The following ATF7IP variants were observed in gnomAD, a reference collection of about 807,000 sequenced individuals.
The protein encoded by ATF7IP is activating transcription factor 7 interacting protein.
In ATF7IP, 23 loss-of-function variants were observed where a neutral mutation model predicts 106.4. The ratio of observed to expected loss-of-function variants is 0.22; its 90% CI spans 0.16 to 0.31. ATF7IP has a LOEUF of 0.31. Among genes scored for constraint, ATF7IP ranks in the 10% least tolerant of loss-of-function variants. ATF7IP has a pLI of 1.00. For missense variants in ATF7IP, 1,334 were observed against 1,524.3 expected, an observed-to-expected ratio of 0.88 and a Z score of 2.08; for synonymous variants, 542 against 539.0, an observed-to-expected ratio of 1.01 and a Z score of -0.08.
chr12:14,469,362 CAAAA>C (rs35509274), intron 10 of ATF7IP, among the ~76,000 whole-genome samples: 5 of 88,412 alleles, frequency 5.7e-5, no homozygotes, highest in Admixed American at 1.3e-4. Flanking sequence ...GAGACTGTCT[CAAAA>C]AAAAAAAAAA....
At chr12:14,472,627 CT>C (rs1295293580) in intron 10 of ATF7IP, among the ~76,000 whole-genome samples, 1 of 152,156 alleles carries the variant, frequency 6.6e-6, no homozygotes, top group Non-Finnish European at 1.5e-5. Flanking sequence ...AGTCTCCTTC[CT>C]TTTTGAAACA....
At chr12:14,433,787 G>A (rs1942263505) in intron 2 of ATF7IP, among the ~76,000 whole-genome samples, 1 of 152,102 alleles carries the variant, frequency 6.6e-6, no homozygotes, top group Non-Finnish European at 1.5e-5. Flanking sequence ...ACTATATTAA[G>A]CACCTAGCTC....
intron 2 of ATF7IP, among the ~76,000 whole-genome samples, chr12:14,430,802 A>G (rs1437455297): frequency 1.3e-5 from 2 of 152,182 alleles, no homozygotes; most frequent in Non-Finnish European, 1.5e-5. Context: ...AAACATAGCT[A>G]TGGTAATTTG....
intron 1 of ATF7IP, among the ~76,000 whole-genome samples, chr12:14,417,676 A>G (rs2136523366): frequency 6.6e-6 from 1 of 152,306 alleles, no homozygotes; most frequent in East Asian, 1.9e-4. Flanking sequence ...GATATTTATT[A>G]AAGCAAATAG....
intron 6 of ATF7IP, 54 bp from the exon 7 acceptor site, chr12:14,456,507 A>G: frequency 7.7e-7 from 1 of 1,302,968 alleles, no homozygotes; most frequent in Non-Finnish European, 1.1e-6. Context: ...TTTTTTTTAA[A>G]GATTCCCTGT....
chr12:14,381,195 G>A (rs1189660734), intron 1 of ATF7IP, among the ~76,000 whole-genome samples: 2 of 152,118 alleles, frequency 1.3e-5, no homozygotes, highest in Admixed American at 6.5e-5. Flanking sequence ...TTGGAATATT[G>A]TATGTTAGGG....
intron 6 of ATF7IP, among the ~76,000 whole-genome samples, chr12:14,454,597 TC>T (rs1473066557): frequency 1.3e-5 from 2 of 152,192 alleles, no homozygotes; most frequent in East Asian, 3.8e-4. Context: ...TCCTAACTGT[TC>T]CAGTGTGCCT....
intron 5 of ATF7IP, among the ~76,000 whole-genome samples, chr12:14,439,093 C>T (rs1220408270): frequency 6.6e-6 from 1 of 152,030 alleles, no homozygotes; most frequent in African/African-American, 2.4e-5. Flanking sequence ...ACATACAATA[C>T]CAGAGCTTCT....
chr12:14,431,395 ATTCT>A (rs1942121832), intron 2 of ATF7IP, among the ~76,000 whole-genome samples: 1 of 148,020 alleles, frequency 6.8e-6, no homozygotes, highest in Non-Finnish European at 1.5e-5. Flanking sequence ...TAAAAAAAAC[ATTCT>A]TTTTTTTTTT....
At chr12:14,444,845 G>A (rs1265953600) in intron 5 of ATF7IP, among the ~76,000 whole-genome samples, 2 of 151,982 alleles carry the variant, frequency 1.3e-5, no homozygotes, top group Non-Finnish European at 2.9e-5. Context: ...GCCAATCATA[G>A]CTTCCAGCGG....
chr12:14,429,826 A>G (rs1942034252), intron 2 of ATF7IP, among the ~76,000 whole-genome samples: 1 of 152,178 alleles, frequency 6.6e-6, no homozygotes, highest in African/African-American at 2.4e-5. Context: ...CTAGTGTGCA[A>G]GTTGCAGATT....
intron 13 of ATF7IP, among the ~76,000 whole-genome samples, chr12:14,492,003 T>A (rs1401679439): frequency 7.9e-5 from 12 of 152,218 alleles, no homozygotes; most frequent in Admixed American, 7.9e-4. Context: ...AGTTTTTGAT[T>A]TACTACTTTT....
At chr12:14,394,774 CTTTTAAGCT>C (rs1309072321) in intron 1 of ATF7IP, 1 of 152,098 alleles carries the variant, frequency 6.6e-6, no homozygotes, top group Non-Finnish European at 1.5e-5. Context: ...AGCTATAAGC[CTTTTAAGCT>C]TTTAGTTCTT....
intron 2 of ATF7IP, among the ~76,000 whole-genome samples, chr12:14,425,815 G>A (rs757459933): frequency 1.3e-5 from 2 of 152,136 alleles, no homozygotes; most frequent in Non-Finnish European, 2.9e-5. Context: ...ATCACTTAGC[G>A]AACAAATAAC....
chr12:14,416,800 T>G, intron 1 of ATF7IP: 2 of 485,634 alleles, frequency 4.1e-6, no homozygotes, highest in Non-Finnish European at 2.7e-6. Context: ...TGATGTCTGA[T>G]TGGTTTTAGA....
chr12:14,445,656 A>G (rs1942925227), intron 5 of ATF7IP, among the ~76,000 whole-genome samples: 1 of 152,190 alleles, frequency 6.6e-6, no homozygotes, highest in Non-Finnish European at 1.5e-5. Context: ...TAGGTAACTG[A>G]TTGCCTAGGC....
rs1359422847 is a variant in ATF7IP at position 14,433,682 on chromosome 12, A to AT, written c.1559-655_1559-654insT. On this transcript the variant is annotated intron_variant, in intron 2 of 14. Coordinates refer to ENST00000261168, the MANE Select transcript of ATF7IP (RefSeq NM_018179.5). ...CGAAACTCAGTCTCAAAAAAAAAAA[A>AT]GAAAAGAAAATTAACCCTTCTGAAT... Among the ~76,000 whole-genome samples, 18 of 152,134 alleles carry AT rather than the reference A, an allele frequency of 1.2e-4. 1 individual carries two copies. The East Asian group carries it at 3.5e-3, about 29-fold the overall frequency.
chr12:14,420,223 TC>T (rs1411532477), intron 1 of ATF7IP: 1 of 152,254 alleles, frequency 6.6e-6, no homozygotes, highest in Non-Finnish European at 1.5e-5. Flanking sequence ...AGGAAGTAGA[TC>T]CTTATCGTGG....
At chr12:14,457,653 C>T (rs1329379375) in intron 8 of ATF7IP, among the ~76,000 whole-genome samples, 2 of 152,120 alleles carry the variant, frequency 1.3e-5, no homozygotes, top group African/African-American at 4.8e-5. Context: ...ACTTTCTGGT[C>T]TCTAGATCCC....
Sources: allele counts gnomAD v4.1 joint callset (sites outside exome capture counted in the v4.1 genomes callset), GRCh38; gene constraint gnomAD v4.1.1; transcripts MANE v1.5; gene names NCBI Gene and HGNC (gene_info 2026-07-23, HGNC 2026-07-21).